Variants in DNAH9 observed in about 807,000 individuals in gnomAD.
The protein encoded by DNAH9 is DNAH9 variant protein.
DNAH9 carries 345 observed loss-of-function variants against 471.6 expected under a neutral mutation model. That is an observed-to-expected ratio of 0.73 (90% confidence interval 0.67 to 0.80). The LOEUF (loss-of-function observed/expected upper bound fraction) is 0.80, where lower values mean the gene tolerates loss of function less well. Among genes scored for constraint, DNAH9 ranks in the 30% least tolerant of loss-of-function variants. DNAH9 has a pLI of 0.00. For missense variants in DNAH9, 5,407 were observed against 5,609.2 expected (o/e 0.96, Z 1.15); for synonymous variants, 2,093 against 2,123.6 (o/e 0.99, Z 0.40).
chr17:11,885,492 C>T (rs755214911), intron 56 of DNAH9, among the ~76,000 whole-genome samples: 2 of 152,188 alleles, frequency 1.3e-5, no homozygotes, highest in Non-Finnish European at 2.9e-5. Context: ...TTCTGAGTTG[C>T]TTTTGTAACA....
intron 60 of DNAH9, among the ~76,000 whole-genome samples, chr17:11,903,353 TAAAAA>T (rs796649993): frequency 3.8e-5 from 5 of 130,336 alleles, no homozygotes; most frequent in African/African-American, 1.4e-4. Context: ...AAGTAAAAAA[TAAAAA>T]AAAAAAAGGA....
chr17:11,846,502 A>C (rs1241427167), intron 49 of DNAH9, among the ~76,000 whole-genome samples: 4 of 149,950 alleles, frequency 2.7e-5, no homozygotes, highest in East Asian at 2.0e-4. Flanking sequence ...TTTTGGTTCC[A>C]TATGAACTTT....
chr17:11,673,286 A>G (rs1411326928), intron 17 of DNAH9, among the ~76,000 whole-genome samples: 2 of 152,174 alleles, frequency 1.3e-5, no homozygotes, highest in African/African-American at 2.4e-5. Flanking sequence ...CCTTTTCACC[A>G]ACAAATCTAC....
chr17:11,689,587 T>A lies in DNAH9; in HGVS notation c.3765T>A (p.His1255Gln). 1 of 1,613,530 alleles carries A rather than the reference T, an allele frequency of 6.2e-7. No individual in the cohort carries two copies. ...GTAGGTTTGATAGCATCCACCCTCA[T>A]CAAATGCTGGATGCCAGGCACATCG... The part of the protein sequence containing the change: ...APFRFDSIHP[H>Q]QMLDARHIEI... The change falls in exon 20 of 69, where the codon CAT becomes CAA. Residue 1255 changes from histidine (H) to glutamine (Q), a missense_variant. This residue lies in a region of DNAH9 where 4,636 missense variants were observed against 4,900.3 expected (regional missense o/e 0.95). Coordinates refer to ENST00000262442, the MANE Select transcript of DNAH9 (RefSeq NM_001372.4).
chr17:11,938,101 C>T (rs903336291), intron 66 of DNAH9, among the ~76,000 whole-genome samples: 2 of 152,072 alleles, frequency 1.3e-5, no homozygotes, highest in Non-Finnish European at 2.9e-5. Flanking sequence ...GAAAGGCAGA[C>T]CAGGGTGAGG....
chr17:11,697,122 G>C (rs1201475525), intron 22 of DNAH9, among the ~76,000 whole-genome samples: 1 of 152,130 alleles, frequency 6.6e-6, no homozygotes, highest in Non-Finnish European at 1.5e-5. Flanking sequence ...CTCCCACAGT[G>C]TTGGGATTAT....
At position 11,781,121 on chromosome 17, in the gene DNAH9, C is replaced by G; in HGVS notation, c.7665C>G (p.Tyr2555Ter). The change falls in exon 39 of 69, where the codon TAC (tyrosine) becomes TAG (stop). Residue 2555 changes from tyrosine to a stop codon, truncating the protein, a stop_gained. Transcript: ENST00000262442. LOFTEE classifies it high-confidence loss of function. ...TGAACATGCCTGAGGTGGATGCCTA[C>G]GGGACGGTGCAGCCCCACACCATCA... Reference protein sequence around the residue: ...DDMNMPEVDAYGTVQPHTIIR... With the variant: ...DDMNMPEVDA 1 of 1,614,184 alleles carries G rather than the reference C, an allele frequency of 6.2e-7. No individual in the cohort carries two copies. The highest frequency in any genetic ancestry group is 8.5e-7 in the Non-Finnish European group (1 of 1,180,042).
chr17:11,959,679 G>C (rs945711788), intron 67 of DNAH9, among the ~76,000 whole-genome samples: 4 of 152,190 alleles, frequency 2.6e-5, no homozygotes, highest in Admixed American at 2.6e-4. Context: ...TTCGGGTTTG[G>C]TTGAAAGTGA....
intron 63 of DNAH9, among the ~76,000 whole-genome samples, chr17:11,931,508 C>A (rs879944212): frequency 1.3e-5 from 2 of 152,194 alleles, no homozygotes; most frequent in African/African-American, 2.4e-5. Flanking sequence ...AGCAGCCCAA[C>A]TCTGGGCGGG....
intron 22 of DNAH9, among the ~76,000 whole-genome samples, chr17:11,694,665 G>T (rs367773409): frequency 0.29 from 805 of 2,816 alleles, 171 homozygotes; most frequent in Middle Eastern, 1. Flanking sequence ...TCGCTTTCTC[G>T]CTTTCTCGCT....
intron 26 of DNAH9, among the ~76,000 whole-genome samples, chr17:11,708,086 C>T (rs140742122): frequency 1.3e-3 from 191 of 149,998 alleles, no homozygotes; most frequent in Non-Finnish European, 1.0e-3. Context: ...CTCTGTTGAT[C>T]TTAATGTTTC....
At chr17:11,850,322 C>A (rs771955103) in intron 49 of DNAH9, among the ~76,000 whole-genome samples, 36 of 152,274 alleles carry the variant, frequency 2.4e-4, no homozygotes, top group Non-Finnish European at 3.4e-4. Context: ...GAGCCCAGAG[C>A]GCCTGTGCCT....
intron 26 of DNAH9, among the ~76,000 whole-genome samples, chr17:11,708,020 G>C (rs886172219): frequency 3.9e-4 from 42 of 107,038 alleles, no homozygotes; most frequent in African/African-American, 1.4e-3. Context: ...CACACAGAGA[G>C]AGAGAGAGAG....
intron 14 of DNAH9, among the ~76,000 whole-genome samples, chr17:11,657,378 G>A (rs2073671614): frequency 6.6e-6 from 1 of 151,968 alleles, no homozygotes; most frequent in Non-Finnish European, 1.5e-5. Context: ...CCTCTATAAA[G>A]TGTCTAAGTG....
chr17:11,867,739 G>A (rs144687508), intron 50 of DNAH9, among the ~76,000 whole-genome samples: 33 of 152,292 alleles, frequency 2.2e-4, no homozygotes, highest in African/African-American at 7.7e-4. Flanking sequence ...GGGCAGAGCT[G>A]GTTGACTGGT....
At chr17:11,804,860 C>T (rs1398776006) in intron 43 of DNAH9, among the ~76,000 whole-genome samples, 3 of 148,314 alleles carry the variant, frequency 2.0e-5, no homozygotes, top group Admixed American at 6.8e-5. Flanking sequence ...GACGACAGAG[C>T]GAGACTCTGT....
At chr17:11,868,689 A>G (rs1470950135) in intron 50 of DNAH9, among the ~76,000 whole-genome samples, 1 of 151,896 alleles carries the variant, frequency 6.6e-6, no homozygotes, top group Non-Finnish European at 1.5e-5. Flanking sequence ...TGCTAACCCC[A>G]GTTTTGATGT....
At chr17:11,686,347 C>T (rs1017449103) in intron 19 of DNAH9, among the ~76,000 whole-genome samples, 6 of 152,176 alleles carry the variant, frequency 3.9e-5, no homozygotes, top group South Asian at 2.1e-4. Flanking sequence ...GCTTTCCAGG[C>T]ATTTCTCTTT....
At position 11,905,766 on chromosome 17, in the gene DNAH9, C is replaced by T. The variant is rs1014890557; in HGVS notation, c.11706C>T (p.Ile3902=). 1.1e-5 allele frequency: 17 copies of T among 1,614,082 alleles called. No individual in the cohort carries two copies. The highest frequency in any genetic ancestry group is 1.4e-5 in the Non-Finnish European group (17 of 1,179,990). Residue 3902 remains isoleucine, a synonymous_variant, in exon 61 of 69, where the codon ATC becomes ATT. Transcript: ENST00000262442. ...GACCAGCCACTCCTATGTTTTTCAT[C>T]CTGTCTCCAGGGGTGGACCCACTGA... ...ESGPATPMFF[I]LSPGVDPLKD...
Sources: gnomAD v4.1 joint callset for allele counts (sites outside exome capture counted in the v4.1 genomes callset) on GRCh38, gnomAD v4.1.1 for gene constraint, gnomAD v4.1.1 regional missense constraint, MANE v1.5 for transcripts, NCBI Gene and HGNC (gene_info 2026-07-23, HGNC 2026-07-21) for gene names.